TFEC: variants seen among roughly 807,000 people sequenced by gnomAD.
TFEC encodes transcription factor EC.
In TFEC, 31 loss-of-function variants were observed where a neutral mutation model predicts 41.6. That is an observed-to-expected ratio of 0.74 (90% CI 0.56 to 1.01). The LOEUF is 1.01. Among genes scored for constraint, TFEC ranks in the 50% least tolerant of loss-of-function variants. The probability of loss-of-function intolerance (pLI) is 0.00; values close to 1 mark genes in which losing one functional copy is unlikely to be tolerated. For synonymous variants in TFEC, 143 were observed against 140.6 expected, an observed-to-expected ratio of 1.02 and a Z score of -0.12; for missense variants, 402 against 404.1, an observed-to-expected ratio of 0.99 and a Z score of 0.04.
intron 1 of TFEC, among the ~76,000 whole-genome samples, chr7:116,118,786 G>T (rs1362710140): frequency 6.6e-6 from 1 of 151,788 alleles, no homozygotes; most frequent in Non-Finnish European, 1.5e-5. Flanking sequence ...GGCTATAAGC[G>T]CTGGGAGGCA....
chr7:116,128,264 GAAAT>G (rs145996782), intron 1 of TFEC, among the ~76,000 whole-genome samples: 2,119 of 152,212 alleles, frequency 0.014, 43 homozygotes, highest in African/African-American at 0.049. Context: ...AAAGCAATGA[GAAAT>G]AGAATAATTG....
chr7:116,127,082 TG>T (rs1798226433), intron 1 of TFEC, among the ~76,000 whole-genome samples: 1 of 151,956 alleles, frequency 6.6e-6, no homozygotes, highest in Non-Finnish European at 1.5e-5. Context: ...GTCTGGGCTT[TG>T]GTTTTTGTTT....
At chr7:116,146,069 G>A (rs949146113) in intron 1 of TFEC, among the ~76,000 whole-genome samples, 3 of 152,100 alleles carry the variant, frequency 2.0e-5, no homozygotes, top group Admixed American at 6.6e-5. Context: ...AAAAACCTAC[G>A]AGTACAGTAT....
At chr7:116,013,102 T>C (rs1795063834) in intron 1 of TFEC, among the ~76,000 whole-genome samples, 1 of 152,000 alleles carries the variant, frequency 6.6e-6, no homozygotes, top group East Asian at 1.9e-4. Context: ...CTGCAGAAAA[T>C]GGGTTTCTTT....
intron 1 of TFEC, among the ~76,000 whole-genome samples, chr7:115,996,901 C>G (rs746626688): frequency 3.9e-5 from 6 of 152,098 alleles, no homozygotes; most frequent in African/African-American, 1.2e-4. Flanking sequence ...GGATTGGGTG[C>G]CAGCTCAGCT....
chr7:116,137,393 G>A lies in TFEC; in HGVS notation c.-69+22397C>T, dbSNP rs149056299. 1.4e-3 allele frequency among the ~76,000 whole-genome samples: 213 copies of A among 152,174 alleles called. 1 individual carries two copies. The highest frequency in any genetic ancestry group is 5.0e-3 in the African/African-American group (208 of 41,548). On this transcript the variant is annotated intron_variant, in intron 1 of 8. Coordinates refer to the TFEC transcript ENST00000484212. ...AAACACACACAGTGCCAGCTTTCTG[G>A]GGTCACCTTACTTGCAAAAGTGTTG...
At chr7:115,986,221 T>C (rs1199447453) in intron 1 of TFEC, among the ~76,000 whole-genome samples, 1 of 152,158 alleles carries the variant, frequency 6.6e-6, no homozygotes, top group East Asian at 1.9e-4. Context: ...ATGATAATAA[T>C]ATTAAGCAAC....
chr7:116,069,503 C>T (rs1796775155), intron 3 of TFEC, among the ~76,000 whole-genome samples: 1 of 151,564 alleles, frequency 6.6e-6, no homozygotes, highest in Non-Finnish European at 1.5e-5. Flanking sequence ...CTTCCTTGAA[C>T]CTTGCCTCCA....
At chr7:115,953,188 A>AG (rs1792041611) in intron 5 of TFEC, among the ~76,000 whole-genome samples, 1 of 152,070 alleles carries the variant, frequency 6.6e-6, no homozygotes, top group Non-Finnish European at 1.5e-5. Flanking sequence ...GGGGGGCTGC[A>AG]AGCTGAGAGC....
Position 116,119,575 on chromosome 7 carries a change from T to C in TFEC, c.-68-7537A>G, listed in dbSNP as rs932421225. On this transcript the variant is annotated intron_variant, in intron 1 of 8. Transcript: ENST00000484212. ...TACACTTTAAAAGTGTGAATTTTATTGTATGTAAATTGTATGTCATTAAAA... is the reference window on the plus strand; with the variant it reads ...TACACTTTAAAAGTGTGAATTTTATCGTATGTAAATTGTATGTCATTAAAA... Among the ~76,000 whole-genome samples, 6 of 151,782 alleles carry C rather than the reference T, an allele frequency of 4.0e-5. No individual in the cohort carries two copies. In the East Asian group the frequency reaches 1.2e-3, roughly 29 times the overall value.
intron 2 of TFEC, among the ~76,000 whole-genome samples, chr7:115,982,543 C>A (rs1321657251): frequency 6.6e-6 from 1 of 152,062 alleles, no homozygotes; most frequent in African/African-American, 2.4e-5. Flanking sequence ...TCAAAGAGAC[C>A]ACACACTGAT....
At chr7:115,997,825 GTC>G (rs1348485657) in intron 1 of TFEC, among the ~76,000 whole-genome samples, 1 of 152,062 alleles carries the variant, frequency 6.6e-6, no homozygotes, top group Non-Finnish European at 1.5e-5. Context: ...ACGCATCAGA[GTC>G]TCTTACCAGC....
Position 116,051,137 on chromosome 7 carries a change from G to C in TFEC, c.198+59571C>G, listed in dbSNP as rs138418261. On this transcript the variant is annotated intron_variant, in intron 3 of 8. Transcript: ENST00000484212. ...GCAGGGTGGGGAACATCACACACTG[G>C]GGCCTGTCTTGGGGTTGGGGGAAGG... Among the ~76,000 whole-genome samples the C allele has an allele frequency of 5.0e-3, 768 of 152,200 alleles. 3 individuals carry two copies. Among genetic ancestry groups the C allele is most frequent in the African/African-American group, 0.017 (726 of 41,502 alleles).
chr7:116,139,633 A>G (rs557258097), intron 1 of TFEC, among the ~76,000 whole-genome samples: 2 of 152,322 alleles, frequency 1.3e-5, no homozygotes, highest in South Asian at 2.1e-4. Context: ...AGAAACAGAA[A>G]ACAATTCTGT....
intron 3 of TFEC, among the ~76,000 whole-genome samples, chr7:116,071,587 T>C (rs957002282): frequency 1.3e-5 from 2 of 151,406 alleles, no homozygotes; most frequent in African/African-American, 4.8e-5. Flanking sequence ...TGTACTTGAC[T>C]AGATCTAAAG....
At chr7:116,063,063 T>G (rs539190908) in intron 3 of TFEC, among the ~76,000 whole-genome samples, 159 of 152,312 alleles carry the variant, frequency 1.0e-3, no homozygotes, top group African/African-American at 3.5e-3. Flanking sequence ...TCAGTAGATT[T>G]ATCAATACAA....
At chr7:116,014,151 C>T (rs1357397023) in intron 1 of TFEC, among the ~76,000 whole-genome samples, 6 of 151,750 alleles carry the variant, frequency 4.0e-5, no homozygotes, top group Non-Finnish European at 7.4e-5. Context: ...TTCCCTTTCA[C>T]AAGAAAGAAG....
At chr7:115,969,811 A>T (rs1174748681) in intron 3 of TFEC, among the ~76,000 whole-genome samples, 14 of 151,988 alleles carry the variant, frequency 9.2e-5, no homozygotes, top group Non-Finnish European at 1.8e-4. Context: ...ACAAGAGGAC[A>T]TGATAGGAAC....
At chr7:116,065,935 C>G (rs1026163838) in intron 3 of TFEC, among the ~76,000 whole-genome samples, 2 of 151,982 alleles carry the variant, frequency 1.3e-5, no homozygotes, top group African/African-American at 4.8e-5. Flanking sequence ...AGAGGGCTTC[C>G]TAGGCAGCTA....
Sources: gnomAD v4.1 joint callset for allele counts (sites outside exome capture counted in the v4.1 genomes callset) on GRCh38, gnomAD v4.1.1 for gene constraint, MANE v1.5 for transcripts, NCBI Gene and HGNC (gene_info 2026-07-23, HGNC 2026-07-21) for gene names.